Variants in CLTCL1 observed in about 807,000 individuals in gnomAD.
CLTCL1 encodes clathrin heavy chain 2.
A neutral mutation model predicts 190.0 loss-of-function variants in CLTCL1; 159 were observed. That is an observed-to-expected ratio of 0.84 (90% CI 0.74 to 0.95). The LOEUF (loss-of-function observed/expected upper bound fraction) is 0.95, where lower values mean the gene tolerates loss of function less well. Among genes scored for constraint, CLTCL1 ranks in the 40% least tolerant of loss-of-function variants. The pLI, the probability that CLTCL1 is intolerant of heterozygous loss-of-function variation, is 0.00. For missense variants in CLTCL1, 1,878 were observed against 2,033.4 expected (o/e 0.92, Z 1.47); for synonymous variants, 752 against 769.6 (o/e 0.98, Z 0.38).
chr22:19,208,992 G>A lies in CLTCL1; in HGVS notation c.3372C>T (p.Ala1124=), dbSNP rs1060376. ...CGTCCCCTCTGATATAGGAGTTGAT[G>A]GCTTCCTTCACCAAATCTTTCTGGA... is the stretch of plus-strand genomic sequence containing the variant. ...AQLQKDLVKE[A]INSYIRGDDP... Residue 1124 remains alanine (A), a synonymous_variant, in exon 21 of 33, where the codon GCC becomes GCT. Coordinates refer to ENST00000427926, the MANE Select transcript of CLTCL1 (RefSeq NM_007098.4). 108,239 of 1,611,324 alleles carry A rather than the reference G, an allele frequency of 0.067. 8,255 individuals are homozygous for A. Among genetic ancestry groups the A allele is most frequent in the East Asian group, 0.46 (20,538 of 44,730 alleles).
chr22:19,187,542 G>C lies in CLTCL1; in HGVS notation c.4605+16C>G. On this transcript the variant is annotated intron_variant, in intron 29 of 32. Transcript: ENST00000427926. ...CAAGGCAGGAAGGTGGGAGGAAACG[G>C]GCCCAGGCCACCAACCTTGTAGAGA... is the stretch of plus-strand genomic sequence containing the variant. 1.3e-6 allele frequency: 2 copies of C among 1,598,268 alleles called. No homozygotes were observed. Among genetic ancestry groups the C allele is most frequent in the Non-Finnish European group, 1.7e-6 (2 of 1,169,120 alleles).
At chr22:19,212,347 C>T (rs1555947206) in intron 19 of CLTCL1, among the ~76,000 whole-genome samples, 3 of 151,286 alleles carry the variant, frequency 2.0e-5, no homozygotes, top group African/African-American at 7.3e-5. Context: ...AGTGCTTGAA[C>T]CTCAGGGTTT....
intron 5 of CLTCL1, among the ~76,000 whole-genome samples, chr22:19,236,246 C>G (rs1555962115): frequency 6.6e-6 from 1 of 152,194 alleles, no homozygotes; most frequent in African/African-American, 2.4e-5. Flanking sequence ...TTTTGTCCAA[C>G]CACTCTCAAA....
At chr22:19,210,716 A>G (rs885978) in intron 19 of CLTCL1, among the ~76,000 whole-genome samples, 103,767 of 152,060 alleles carry the variant, frequency 0.68, 36,887 homozygotes, top group African/African-American at 0.87. Context: ...GGGAAAGCAC[A>G]GGTAAGAGAA....
At chr22:19,217,853 GAA>G (rs535821018) in intron 18 of CLTCL1, among the ~76,000 whole-genome samples, 9 of 81,384 alleles carry the variant, frequency 1.1e-4, no homozygotes, top group African/African-American at 3.1e-4. Flanking sequence ...CTCAAAAAGA[GAA>G]AAAAAAAAAA....
At chr22:19,290,995 C>A (rs2088095585) in intron 1 of CLTCL1, among the ~76,000 whole-genome samples, 1 of 152,200 alleles carries the variant, frequency 6.6e-6, no homozygotes, top group African/African-American at 2.4e-5. Context: ...CCGACCTGAG[C>A]CTTTGCTCAA....
intron 3 of CLTCL1, among the ~76,000 whole-genome samples, chr22:19,247,594 C>T (rs1223299890): frequency 6.6e-6 from 1 of 152,084 alleles, no homozygotes; most frequent in South Asian, 2.1e-4. Context: ...GAGTTCCACT[C>T]TTGTTGCCCA....
intron 1 of CLTCL1, among the ~76,000 whole-genome samples, chr22:19,284,432 G>A (rs890035240): frequency 1.3e-4 from 19 of 151,922 alleles, no homozygotes; most frequent in East Asian, 5.8e-4. Context: ...AGGCCGAGGC[G>A]GGTGGATCAC....
At position 19,196,552 on chromosome 22, in the gene CLTCL1, T is replaced by A; in HGVS notation, c.3978A>T (p.Lys1326Asn). 1 of 1,613,996 alleles carries A rather than the reference T, an allele frequency of 6.2e-7. No homozygotes were observed. The highest frequency in any genetic ancestry group is 8.5e-7 in the Non-Finnish European group (1 of 1,179,866). ...MFTELAILYS[K>N]FKPQKMLEHL... Reference sequence around the variant, plus strand: ...GCTCCAGCATCTTCTGTGGCTTGAATTTGGAGTAGAGGATGGCCAGCTCAG... The same window carrying A: ...GCTCCAGCATCTTCTGTGGCTTGAAATTGGAGTAGAGGATGGCCAGCTCAG... Residue 1326 changes from lysine to asparagine, a missense_variant, in exon 25 of 33, where the codon AAA becomes AAT. Lys to Asn is a moderately conservative substitution (Grantham distance 94, BLOSUM62 0). Transcript: ENST00000427926.
intron 29 of CLTCL1, among the ~76,000 whole-genome samples, chr22:19,187,129 G>A (rs1387594812): frequency 4.6e-5 from 7 of 151,634 alleles, no homozygotes; most frequent in Non-Finnish European, 8.8e-5. Flanking sequence ...TTGCCATGTC[G>A]CCTAGGCTGG....
intron 1 of CLTCL1, among the ~76,000 whole-genome samples, chr22:19,285,262 A>T (rs531416694): frequency 3.9e-5 from 6 of 152,210 alleles, no homozygotes; most frequent in African/African-American, 1.2e-4. Context: ...GCAACAGAAC[A>T]AGACTCCATC....
intron 10 of CLTCL1, among the ~76,000 whole-genome samples, chr22:19,230,458 G>A (rs1336577788): frequency 6.6e-6 from 1 of 152,108 alleles, no homozygotes; most frequent in Non-Finnish European, 1.5e-5. Context: ...GTGGTGGCAT[G>A]TGCCTATAGT....
At chr22:19,226,460 C>A in intron 11 of CLTCL1, 77 bp from the exon 12 acceptor site, 1 of 1,556,210 alleles carries the variant, frequency 6.4e-7, no homozygotes, top group South Asian at 1.2e-5. Context: ...AATCTTGCCC[C>A]AGGGTAGGGT....
rs1555982931 is a variant in CLTCL1 at position 19,275,744 on chromosome 22, T to C, written c.129A>G (p.Lys43=). The change falls in exon 2 of 33, where the codon AAA becomes AAG. Residue 43 remains lysine (K), a synonymous_variant. Transcript: ENST00000427926. ...ESDKFICIRE[K]VGEQAQVTII... ...TCGTGACCTGTGCCTGCTCACCAAC[T>C]TTCTCTCGGATACATATGAACTTGT... 1 of 1,609,998 alleles carries C rather than the reference T, an allele frequency of 6.2e-7. No individual in the cohort carries two copies. The highest frequency in any genetic ancestry group is 1.7e-5 in the Admixed American group (1 of 59,394).
chr22:19,288,428 G>A (rs7354796), intron 1 of CLTCL1, among the ~76,000 whole-genome samples: 33,899 of 152,086 alleles, frequency 0.22, 3,944 homozygotes, highest in Non-Finnish European at 0.24. Context: ...TGGGTAAATC[G>A]GGACTACTGT....
At chr22:19,222,576 A>T (rs184364028) in intron 15 of CLTCL1, 108 bp downstream of exon 15, 24 of 1,350,920 alleles carry the variant, frequency 1.8e-5, no homozygotes, top group Non-Finnish European at 1.0e-6. Flanking sequence ...CACCCTTCAA[A>T]ATGATAGTCT....
In CLTCL1 at chr22:19,179,548, CA is replaced by C. The variant is rs2084058033; in HGVS notation, c.*441del. On this transcript the variant is annotated 3_prime_UTR_variant, in exon 33 of 33. Transcript: ENST00000427926. ...GTCCTTTTATGAGGTCCGGTACCTC[CA>C]AACAAGACGTGTTCATGTAGTCTTC... The C allele has an allele frequency of 6.5e-6, 1 of 153,084 alleles. No individual in the cohort carries two copies. Among genetic ancestry groups the C allele is most frequent in the Non-Finnish European group, 1.5e-5 (1 of 68,680 alleles). The allele number at this position is 153,084 out of a possible 1,614,324, so 9.5% of individuals were successfully genotyped here.
At chr22:19,209,865 G>A (rs1389618465) in intron 20 of CLTCL1, among the ~76,000 whole-genome samples, 4 of 152,174 alleles carry the variant, frequency 2.6e-5, no homozygotes, top group Non-Finnish European at 4.4e-5. Flanking sequence ...GGGCAGGCAG[G>A]GAGGGCTGGA....
chr22:19,257,804 C>T, intron 2 of CLTCL1: 1 of 1,428,890 alleles, frequency 7.0e-7, no homozygotes, highest in Non-Finnish European at 9.3e-7. Context: ...TGGCCTCCTA[C>T]CTGGACAGAG....
Sources: allele counts gnomAD v4.1 joint callset (sites outside exome capture counted in the v4.1 genomes callset), GRCh38; gene constraint gnomAD v4.1.1; transcripts MANE v1.5; gene names NCBI Gene and HGNC (gene_info 2026-07-23, HGNC 2026-07-21).